Variants in MALRD1 observed in about 807,000 individuals in gnomAD.
The protein encoded by MALRD1 is MAM and LDL-receptor class A domain-containing protein 1.
MALRD1 carries 247 observed loss-of-function variants against 242.1 expected under a neutral mutation model. The ratio of observed to expected loss-of-function variants is 1.02; its 90% CI spans 0.92 to 1.13. The LOEUF (loss-of-function observed/expected upper bound fraction) is 1.13. Ranked by LOEUF, MALRD1 falls within the 50% of genes most tolerant of loss-of-function variation. The probability of loss-of-function intolerance (pLI) is 0.00; values close to 1 mark genes in which losing one functional copy is unlikely to be tolerated. For synonymous variants in MALRD1, 995 were observed against 866.6 expected, an observed-to-expected ratio of 1.15 and a Z score of -2.60; for missense variants, 2,989 against 2,533.1, an observed-to-expected ratio of 1.18 and a Z score of -3.86.
At chr10:19,322,749 C>T (rs1842955705) in intron 21 of MALRD1, among the ~76,000 whole-genome samples, 1 of 152,156 alleles carries the variant, frequency 6.6e-6, no homozygotes, top group Non-Finnish European at 1.5e-5. Context: ...TTCCACCTCT[C>T]TTTCCATCTG....
chr10:19,655,047 T>C (rs1268706883), intron 36 of MALRD1, among the ~76,000 whole-genome samples: 1 of 152,178 alleles, frequency 6.6e-6, no homozygotes, highest in Non-Finnish European at 1.5e-5. Flanking sequence ...ATGCAATTTG[T>C]CAATACTTTG....
At chr10:19,303,435 C>A (rs1043045008) in intron 21 of MALRD1, among the ~76,000 whole-genome samples, 2 of 151,558 alleles carry the variant, frequency 1.3e-5, no homozygotes, top group Non-Finnish European at 3.0e-5. Flanking sequence ...GAAAAACTCA[C>A]AATGGAAATG....
chr10:19,334,145 G>A (rs1460866118), intron 24 of MALRD1, among the ~76,000 whole-genome samples: 2 of 37,722 alleles, frequency 5.3e-5, no homozygotes, highest in African/African-American at 2.0e-4. Flanking sequence ...TTTTTTTTCT[G>A]TGCAGAGCTC....
intron 28 of MALRD1, among the ~76,000 whole-genome samples, chr10:19,400,117 C>G (rs1298080333): frequency 6.6e-6 from 1 of 152,162 alleles, no homozygotes; most frequent in Non-Finnish European, 1.5e-5. Flanking sequence ...AATACACTGT[C>G]TACTATCATG....
At chr10:19,621,609 T>C (rs10764094) in intron 36 of MALRD1, among the ~76,000 whole-genome samples, 57,334 of 151,414 alleles carry the variant, frequency 0.38, 12,281 homozygotes, top group Non-Finnish European at 0.48. Flanking sequence ...AACATGCATA[T>C]GATTGGAGTC....
intron 28 of MALRD1, among the ~76,000 whole-genome samples, chr10:19,413,343 T>C (rs951776198): frequency 2.0e-5 from 3 of 152,140 alleles, no homozygotes; most frequent in African/African-American, 7.2e-5. Context: ...TCTGAGATAT[T>C]GGTAGATTTA....
At position 19,515,333 on chromosome 10, in the gene MALRD1, A is replaced by G. The variant is rs374783246; in HGVS notation, c.5321-15861A>G. Among the ~76,000 whole-genome samples, 9 of 152,336 alleles carry G rather than the reference A, an allele frequency of 5.9e-5. No homozygotes were observed. The South Asian group carries it at 1.4e-3, about 25-fold the overall frequency. ...CAGCTTCCTGTAGATTGGCAAATCT[A>G]TGAATCATAATTTCTAGAAATATGT... On this transcript the variant is annotated intron_variant, in intron 31 of 39. Transcript: ENST00000454679.
chr10:19,262,344 C>T (rs1564511797), intron 19 of MALRD1, among the ~76,000 whole-genome samples: 1 of 126,734 alleles, frequency 7.9e-6, no homozygotes, highest in African/African-American at 2.9e-5. Flanking sequence ...AGTTACCCCT[C>T]CTCTGTGTGT....
At chr10:19,161,001 G>T (rs1357867406) in intron 12 of MALRD1, among the ~76,000 whole-genome samples, 1 of 151,712 alleles carries the variant, frequency 6.6e-6, no homozygotes, top group African/African-American at 2.4e-5. Flanking sequence ...TCCCATTACT[G>T]GGTATATACC....
chr10:19,077,788 C>T (rs1319571387), intron 2 of MALRD1, among the ~76,000 whole-genome samples: 1 of 151,874 alleles, frequency 6.6e-6, no homozygotes, highest in Non-Finnish European at 1.5e-5. Flanking sequence ...AGCTCCTCTA[C>T]CACCTACCAG....
At position 19,519,202 on chromosome 10, in the gene MALRD1, C is replaced by T. The variant is rs575105156; in HGVS notation, c.5321-11992C>T. Reference sequence around the variant, plus strand: ...TTTCATTGTCAAAATTTTTCATCAGCATAGTCAAGTTTTGCATAATAGCAT... The same window carrying T: ...TTTCATTGTCAAAATTTTTCATCAGTATAGTCAAGTTTTGCATAATAGCAT... On this transcript the variant is annotated intron_variant, in intron 31 of 39. Transcript: ENST00000454679. 2.1e-3 allele frequency among the ~76,000 whole-genome samples: 246 copies of T among 118,000 alleles called. 4 individuals are homozygous for T. In the East Asian group the frequency reaches 0.04, roughly 19 times the overall value. The allele number at this position is 118,000 out of a possible 152,430, so 77.4% of individuals were successfully genotyped here.
At chr10:19,066,659 T>C in intron 1 of MALRD1, 60 bp from the exon 2 acceptor site, 8 of 1,175,988 alleles carry the variant, frequency 6.8e-6, no homozygotes, top group Non-Finnish European at 8.5e-6. Flanking sequence ...TCTGCTATTG[T>C]CTTATTTTTT....
intron 36 of MALRD1, among the ~76,000 whole-genome samples, chr10:19,618,513 A>G (rs1459668335): frequency 6.6e-6 from 1 of 152,032 alleles, no homozygotes; most frequent in African/African-American, 2.4e-5. Context: ...TGACTTTTCA[A>G]TAATAGCCAT....
intron 19 of MALRD1, among the ~76,000 whole-genome samples, chr10:19,264,980 G>C (rs912410093): frequency 4.6e-5 from 7 of 152,052 alleles, no homozygotes; most frequent in African/African-American, 1.7e-4. Context: ...ATCTTGGTAG[G>C]TTGTATGTTT....
intron 26 of MALRD1, among the ~76,000 whole-genome samples, chr10:19,386,438 G>A (rs933058268): frequency 6.6e-6 from 1 of 151,764 alleles, no homozygotes; most frequent in African/African-American, 2.4e-5. Flanking sequence ...GTCAGATCCT[G>A]TAGTGTCAGA....
chr10:19,575,483 TCACACA>T (rs66882231), intron 33 of MALRD1, among the ~76,000 whole-genome samples: 99 of 148,534 alleles, frequency 6.7e-4, no homozygotes, highest in East Asian at 2.0e-3. Context: ...AGGCCATGGT[TCACACA>T]CACACACACA....
At chr10:19,225,708 T>C (rs1021775954) in intron 18 of MALRD1, among the ~76,000 whole-genome samples, 3 of 152,122 alleles carry the variant, frequency 2.0e-5, no homozygotes, top group Non-Finnish European at 4.4e-5. Context: ...TCTAAAGCCA[T>C]GAAAGCCTAC....
intron 12 of MALRD1, among the ~76,000 whole-genome samples, chr10:19,163,059 G>A (rs1258832182): frequency 7.2e-6 from 1 of 138,394 alleles, no homozygotes; most frequent in Non-Finnish European, 1.5e-5. Flanking sequence ...AATTACCTGA[G>A]CTCAGGAGTT....
intron 21 of MALRD1, among the ~76,000 whole-genome samples, chr10:19,284,497 C>A (rs868810785): frequency 1.6e-4 from 24 of 147,402 alleles, no homozygotes; most frequent in Admixed American, 9.5e-4. Flanking sequence ...TGAGAATATG[C>A]GGTGTTTGGT....
Sources: allele counts gnomAD v4.1 joint callset (sites outside exome capture counted in the v4.1 genomes callset), GRCh38; gene constraint gnomAD v4.1.1; transcripts MANE v1.5; gene names NCBI Gene and HGNC (gene_info 2026-07-23, HGNC 2026-07-21).